MAPKAPK5: variants seen among roughly 807,000 people sequenced by gnomAD.
MAPKAPK5 encodes MAPK activated protein kinase 5, also known as MAP kinase-activated protein kinase 5.
A neutral mutation model predicts 65.1 loss-of-function variants in MAPKAPK5; 30 were observed. The observed-to-expected ratio is 0.46, with a 90% confidence interval of 0.34 to 0.63. MAPKAPK5 has a LOEUF of 0.63. MAPKAPK5 is among the 20% of genes least tolerant of loss of function. The pLI, the probability that MAPKAPK5 is intolerant of heterozygous loss-of-function variation, is 0.01. For synonymous variants in MAPKAPK5, 179 were observed against 204.6 expected, an observed-to-expected ratio of 0.87 and a Z score of 1.07; for missense variants, 433 against 581.4, an observed-to-expected ratio of 0.74 and a Z score of 2.63.
At chr12:111,892,931 AT>A in intron 13 of MAPKAPK5, 35 bp from the exon 14 acceptor site, 1 of 1,478,732 alleles carries the variant, frequency 6.8e-7, no homozygotes, top group East Asian at 2.5e-5. Flanking sequence ...CTCTCAAAGA[AT>A]TTGAGGACTG....
rs1354168773 is a variant in MAPKAPK5, at chr12:111,899,859, A to G, written c.*6798A>G. 1 of 454,056 alleles carries G rather than the reference A, an allele frequency of 2.2e-6. No individual in the cohort carries two copies. Among genetic ancestry groups the G allele is most frequent in the Non-Finnish European group, 4.4e-6 (1 of 225,186 alleles). 28.1% of individuals were successfully genotyped at this position (454,056 alleles called of 1,614,324 possible). On this transcript the variant is annotated 3_prime_UTR_variant, in exon 14 of 14. Transcript: ENST00000550735. ...GAACATGTGTTATACACCATGGCAC[A>G]TCAAGCGTGAGTCTCCTGTGGTGTC...
chr12:111,899,702 T>TGAAGGCTACATAGAAGGAGTGTCAG lies in MAPKAPK5; in HGVS notation c.*6643_*6667dup. The TGAAGGCTACATAGAAGGAGTGTCAG allele has an allele frequency of 3.2e-6, 1 of 308,486 alleles. No individual in the cohort carries two copies. Among genetic ancestry groups the TGAAGGCTACATAGAAGGAGTGTCAG allele is most frequent in the South Asian group, 2.8e-5 (1 of 35,950 alleles). 19.1% of individuals were successfully genotyped at this position (308,486 alleles called of 1,614,324 possible). ...CTTTCATCTCACATGACTGCCACTATGAAGGCTACATAGAAGGAGTGTCAG... is the reference window on the plus strand; with the variant it reads ...CTTTCATCTCACATGACTGCCACTATGAAGGCTACATAGAAGGAGTGTCAGGAAGGCTACATAGAAGGAGTGTCAG... On this transcript the variant is annotated 3_prime_UTR_variant, in exon 14 of 14. Transcript: ENST00000550735.
At chr12:111,879,127 T>C (rs1274726629) in intron 7 of MAPKAPK5, among the ~76,000 whole-genome samples, 3 of 152,058 alleles carry the variant, frequency 2.0e-5, no homozygotes, top group Non-Finnish European at 4.4e-5. Flanking sequence ...TTTAGTGATA[T>C]TGAGTCTTCT....
intron 7 of MAPKAPK5, 44 bp downstream of exon 7, chr12:111,871,224 C>A: frequency 6.7e-7 from 1 of 1,501,466 alleles, no homozygotes; most frequent in Non-Finnish European, 9.2e-7. Context: ...CACCAAGCTG[C>A]CCATCAACTC....
chr12:111,868,217 A>G (rs1389576089), intron 4 of MAPKAPK5, among the ~76,000 whole-genome samples: 1 of 152,240 alleles, frequency 6.6e-6, no homozygotes, highest in African/African-American at 2.4e-5. Context: ...AAAATTCAAA[A>G]TTAAATAAGG....
intron 1 of MAPKAPK5, among the ~76,000 whole-genome samples, chr12:111,849,561 C>G (rs1242340704): frequency 6.6e-6 from 1 of 152,178 alleles, no homozygotes; most frequent in African/African-American, 2.4e-5. Flanking sequence ...CGCACCTGGC[C>G]TAGAGTTCTT....
At chr12:111,877,369 A>AT (rs1366520273) in intron 7 of MAPKAPK5, among the ~76,000 whole-genome samples, 2 of 150,744 alleles carry the variant, frequency 1.3e-5, no homozygotes, top group East Asian at 3.9e-4. Context: ...CCATTTGCTT[A>AT]TTTTTTTAAT....
rs1263617449 is a variant in MAPKAPK5, at chr12:111,894,824, C to T, written c.*1763C>T. ...TTTTTGGTGGGTACTTACGTTGGTA[C>T]ATAGAAAAGCTGGCAGGTAGACTCC... On this transcript the variant is annotated 3_prime_UTR_variant, in exon 14 of 14. Coordinates refer to ENST00000550735, the MANE Select transcript of MAPKAPK5 (RefSeq NM_003668.4). 6.6e-6 allele frequency: 1 copy of T among 150,720 alleles called. No homozygotes were observed. Among genetic ancestry groups the T allele is most frequent in the Non-Finnish European group, 1.5e-5 (1 of 67,924 alleles). 9.3% of individuals were successfully genotyped at this position (150,720 alleles called of 1,614,324 possible). A position where few individuals can be genotyped will look rare whatever the true frequency, so the allele number is the denominator to read the frequency against.
At chr12:111,860,789 A>G (rs1228790085) in intron 1 of MAPKAPK5, among the ~76,000 whole-genome samples, 1 of 151,920 alleles carries the variant, frequency 6.6e-6, no homozygotes, top group African/African-American at 2.4e-5. Flanking sequence ...GACAATTTTA[A>G]TTTTTAACTT....
intron 1 of MAPKAPK5, among the ~76,000 whole-genome samples, chr12:111,853,816 T>C (rs936949311): frequency 6.6e-6 from 1 of 152,218 alleles, no homozygotes; most frequent in African/African-American, 2.4e-5. Flanking sequence ...ATTACAGGCT[T>C]AAGCCACTAC....
Position 111,842,715 on chromosome 12 carries a change from T to C in MAPKAPK5, c.-19T>C. 1 of 1,375,420 alleles carries C rather than the reference T, an allele frequency of 7.3e-7. No homozygotes were observed. The highest frequency in any genetic ancestry group is 9.4e-7 in the Non-Finnish European group (1 of 1,058,886). 85.2% of individuals were successfully genotyped at this position (1,375,420 alleles called of 1,614,324 possible). A position where few individuals can be genotyped will look rare whatever the true frequency, so the allele number is the denominator to read the frequency against. On this transcript the variant is annotated 5_prime_UTR_variant, in exon 1 of 14. Transcript: ENST00000550735. ...CTGAGCAGCCTCCGCCTCTCCCGGCTGTGGGGGCCCCACTGAGTATGTCGG... is the reference window on the plus strand; with the variant it reads ...CTGAGCAGCCTCCGCCTCTCCCGGCCGTGGGGGCCCCACTGAGTATGTCGG...
intron 8 of MAPKAPK5, 38 bp downstream of exon 8, chr12:111,880,565 A>T: frequency 1.3e-6 from 2 of 1,579,592 alleles, no homozygotes; most frequent in Non-Finnish European, 1.7e-6. Context: ...TGACAGATGC[A>T]GCCCCTCTCC....
intron 1 of MAPKAPK5, among the ~76,000 whole-genome samples, chr12:111,852,799 A>T (rs1210650852): frequency 1.3e-5 from 2 of 151,890 alleles, no homozygotes; most frequent in Non-Finnish European, 2.9e-5. Flanking sequence ...TTTGAGACAG[A>T]GTCTCACTCT....
In MAPKAPK5 at chr12:111,900,326, T is replaced by C. The variant is rs770320615; in HGVS notation, c.*7265T>C. 2 of 456,072 alleles carry C rather than the reference T, an allele frequency of 4.4e-6. No homozygotes were observed. The highest frequency in any genetic ancestry group is 8.8e-6 in the Non-Finnish European group (2 of 226,796). The allele number at this position is 456,072 out of a possible 1,614,324, so 28.3% of individuals were successfully genotyped here. On this transcript the variant is annotated 3_prime_UTR_variant, in exon 14 of 14. Coordinates refer to ENST00000550735, the MANE Select transcript of MAPKAPK5 (RefSeq NM_003668.4). ...CGGCAGCTGTTGAATCCTTCCATCATGAAGATGTGCTGTTGTTTGCAGCCC... is the reference window on the plus strand; with the variant it reads ...CGGCAGCTGTTGAATCCTTCCATCACGAAGATGTGCTGTTGTTTGCAGCCC...
chr12:111,869,740 A>G (rs1372637057), intron 5 of MAPKAPK5, among the ~76,000 whole-genome samples: 1 of 152,222 alleles, frequency 6.6e-6, no homozygotes, highest in Non-Finnish European at 1.5e-5. Flanking sequence ...ATAATCTTCT[A>G]TAAAATAAAA....
At chr12:111,845,041 G>A (rs768247894) in intron 1 of MAPKAPK5, among the ~76,000 whole-genome samples, 1 of 152,166 alleles carries the variant, frequency 6.6e-6, no homozygotes, top group Non-Finnish European at 1.5e-5. Flanking sequence ...GAGAGACATA[G>A]TTCCAGGAGA....
Position 111,900,320 on chromosome 12 carries a change from C to T in MAPKAPK5, c.*7259C>T, listed in dbSNP as rs1349650705. On this transcript the variant is annotated 3_prime_UTR_variant, in exon 14 of 14. Coordinates refer to ENST00000550735, the MANE Select transcript of MAPKAPK5 (RefSeq NM_003668.4). ...GTTTTGCGGCAGCTGTTGAATCCTT[C>T]CATCATGAAGATGTGCTGTTGTTTG... 2.2e-6 allele frequency: 1 copy of T among 455,964 alleles called. No homozygotes were observed. The highest frequency in any genetic ancestry group is 1.5e-5 in the South Asian group (1 of 64,562). The allele number at this position is 455,964 out of a possible 1,614,324, so 28.2% of individuals were successfully genotyped here. A position where few individuals can be genotyped will look rare whatever the true frequency, so the allele number is the denominator to read the frequency against.
chr12:111,857,400 C>A (rs573657449), intron 1 of MAPKAPK5, among the ~76,000 whole-genome samples: 8 of 152,158 alleles, frequency 5.3e-5, no homozygotes, highest in Admixed American at 5.2e-4. Context: ...TGCCACCATG[C>A]CTGGCTATTT....
At position 111,900,070 on chromosome 12, in the gene MAPKAPK5, C is replaced by A. The variant is rs7309681; in HGVS notation, c.*7009C>A. 2.2e-6 allele frequency: 1 copy of A among 455,986 alleles called. No homozygotes were observed. The highest frequency in any genetic ancestry group is 1.5e-5 in the South Asian group (1 of 64,564). The allele number at this position is 455,986 out of a possible 1,614,324, so 28.2% of individuals were successfully genotyped here. A position where few individuals can be genotyped will look rare whatever the true frequency, so the allele number is the denominator to read the frequency against. On this transcript the variant is annotated 3_prime_UTR_variant, in exon 14 of 14. Coordinates refer to ENST00000550735, the MANE Select transcript of MAPKAPK5 (RefSeq NM_003668.4). ...GTCATTGCTCTGGCCAACAGCTTCA[C>A]TAGGGGAATAAACACAGAGGTGGTG...
Sources: allele counts gnomAD v4.1 joint callset (sites outside exome capture counted in the v4.1 genomes callset), GRCh38; gene constraint gnomAD v4.1.1; transcripts MANE v1.5; gene names NCBI Gene and HGNC (gene_info 2026-07-23, HGNC 2026-07-21).